The following SKAP1 variants were observed in gnomAD, a reference collection of about 807,000 sequenced individuals.
The protein encoded by SKAP1 is src kinase associated phosphoprotein 1.
Under a neutral mutation model 58.5 loss-of-function variants are expected in SKAP1, and 44 were observed. The ratio of observed to expected loss-of-function variants is 0.75; its 90% CI spans 0.59 to 0.97. SKAP1 has a LOEUF of 0.97. Ranked by LOEUF, SKAP1 falls within the 50% of genes least tolerant of loss-of-function variation. The pLI, the probability that SKAP1 is intolerant of heterozygous loss-of-function variation, is 0.00. For synonymous variants in SKAP1, 127 were observed against 149.7 expected (o/e 0.85, Z 1.11); for missense variants, 390 against 435.2 (o/e 0.90, Z 0.92).
chr17:48,191,247 A>G (rs929943208), intron 4 of SKAP1, among the ~76,000 whole-genome samples: 7 of 152,204 alleles, frequency 4.6e-5, no homozygotes, highest in Non-Finnish European at 1.0e-4. Context: ...AATAAAATGA[A>G]AGAAGAATGA....
intron 4 of SKAP1, among the ~76,000 whole-genome samples, chr17:48,198,271 C>T (rs539409928): frequency 2.0e-5 from 3 of 151,786 alleles, no homozygotes; most frequent in African/African-American, 2.4e-5. Flanking sequence ...TTGGCTAACA[C>T]GGTGAAACCC....
At chr17:48,330,546 T>C (rs2066491982) in intron 4 of SKAP1, among the ~76,000 whole-genome samples, 1 of 152,308 alleles carries the variant, frequency 6.6e-6, no homozygotes, top group East Asian at 1.9e-4. Flanking sequence ...AACATATGCA[T>C]GAGACATTGG....
At chr17:48,258,591 A>T (rs913837231) in intron 4 of SKAP1, among the ~76,000 whole-genome samples, 4 of 152,140 alleles carry the variant, frequency 2.6e-5, no homozygotes, top group African/African-American at 7.2e-5. Flanking sequence ...ATGAGATTTT[A>T]AAAAATCTTA....
At chr17:48,369,769 A>G (rs1271117280) in intron 2 of SKAP1, among the ~76,000 whole-genome samples, 1 of 152,194 alleles carries the variant, frequency 6.6e-6, no homozygotes, top group Non-Finnish European at 1.5e-5. Flanking sequence ...TAACTTACCC[A>G]TCATAAGAAA....
At chr17:48,287,561 AAGG>A (rs913011389) in intron 4 of SKAP1, among the ~76,000 whole-genome samples, 20 of 152,342 alleles carry the variant, frequency 1.3e-4, no homozygotes, top group Middle Eastern at 3.4e-3. Context: ...AAAGAAAAAA[AAGG>A]AGGCATTTCT....
chr17:48,140,506 T>C (rs2063755180), intron 11 of SKAP1, among the ~76,000 whole-genome samples: 1 of 152,184 alleles, frequency 6.6e-6, no homozygotes, highest in Non-Finnish European at 1.5e-5. Context: ...ATCCACCATG[T>C]CTGTGTTTAT....
intron 4 of SKAP1, among the ~76,000 whole-genome samples, chr17:48,261,501 A>G (rs1357605148): frequency 6.6e-6 from 1 of 152,112 alleles, no homozygotes; most frequent in Admixed American, 6.6e-5. Context: ...TGAGGATGCT[A>G]TTGGAGGATG....
chr17:48,396,209 T>G (rs2067416138), intron 2 of SKAP1, among the ~76,000 whole-genome samples: 1 of 152,180 alleles, frequency 6.6e-6, no homozygotes, highest in South Asian at 2.1e-4. Flanking sequence ...TTCAACCCAG[T>G]CCAGGAATAA....
intron 9 of SKAP1, among the ~76,000 whole-genome samples, chr17:48,172,614 T>C (rs977450206): frequency 6.6e-6 from 1 of 152,188 alleles, no homozygotes; most frequent in African/African-American, 2.4e-5. Flanking sequence ...TTTTGAGGGC[T>C]GAATACTCAG....
chr17:48,321,251 G>T (rs1362339394), intron 4 of SKAP1, among the ~76,000 whole-genome samples: 1 of 151,924 alleles, frequency 6.6e-6, no homozygotes, highest in Non-Finnish European at 1.5e-5. Context: ...TATGTAACTT[G>T]TTCAAGATAG....
intron 4 of SKAP1, chr17:48,203,739 G>T (rs1259627535): frequency 6.6e-6 from 1 of 152,064 alleles, no homozygotes; most frequent in Non-Finnish European, 1.5e-5. Flanking sequence ...AAGGTAGATT[G>T]GTTCCAGATT....
chr17:48,392,870 T>C (rs995568027), intron 2 of SKAP1, among the ~76,000 whole-genome samples: 1 of 148,564 alleles, frequency 6.7e-6, no homozygotes, highest in Non-Finnish European at 1.5e-5. Flanking sequence ...AAAATATATA[T>C]ATATATATTT....
At chr17:48,301,271 A>G (rs1419240462) in intron 4 of SKAP1, among the ~76,000 whole-genome samples, 2 of 152,168 alleles carry the variant, frequency 1.3e-5, no homozygotes, top group African/African-American at 4.8e-5. Flanking sequence ...GCTCCTTGGA[A>G]GATGAGCAAA....
chr17:48,323,272 G>T (rs1171488585), intron 4 of SKAP1, among the ~76,000 whole-genome samples: 2 of 150,698 alleles, frequency 1.3e-5, no homozygotes, highest in African/African-American at 4.9e-5. Flanking sequence ...TAAAACCTCA[G>T]AAGAGTGTAT....
intron 11 of SKAP1, among the ~76,000 whole-genome samples, chr17:48,143,591 T>C (rs2063794447): frequency 6.6e-6 from 1 of 152,168 alleles, no homozygotes; most frequent in Non-Finnish European, 1.5e-5. Flanking sequence ...ACTTAAGTTT[T>C]CTTGTAGTGT....
chr17:48,324,437 A>G (rs1567868366), intron 4 of SKAP1, among the ~76,000 whole-genome samples: 1 of 152,094 alleles, frequency 6.6e-6, no homozygotes, highest in Non-Finnish European at 1.5e-5. Context: ...TTCATTGCTT[A>G]TTTTTAATTA....
chr17:48,190,183 T>C (rs2064520819), intron 4 of SKAP1, among the ~76,000 whole-genome samples: 1 of 151,258 alleles, frequency 6.6e-6, no homozygotes. Context: ...CTTGGCTCAC[T>C]GCAAGCTCCA....
chr17:48,330,282 G>C (rs1222801242), intron 4 of SKAP1, among the ~76,000 whole-genome samples: 1 of 152,042 alleles, frequency 6.6e-6, no homozygotes, highest in Non-Finnish European at 1.5e-5. Context: ...AAAAAATTGA[G>C]TATTCACAAT....
At chr17:48,244,336 G>A (rs2065272784) in intron 4 of SKAP1, among the ~76,000 whole-genome samples, 1 of 152,098 alleles carries the variant, frequency 6.6e-6, no homozygotes, top group Non-Finnish European at 1.5e-5. Context: ...TGTGTTCGGT[G>A]GGAACATCTT....
Sources: allele counts gnomAD v4.1 joint callset (sites outside exome capture counted in the v4.1 genomes callset), GRCh38; gene constraint gnomAD v4.1.1; transcripts MANE v1.5; gene names NCBI Gene and HGNC (gene_info 2026-07-23, HGNC 2026-07-21).